Variants in FBLN5 observed in about 807,000 individuals in gnomAD.
FBLN5 encodes fibulin-5.
A neutral mutation model predicts 61.6 loss-of-function variants in FBLN5; 24 were observed. The observed-to-expected ratio is 0.39, with a 90% CI of 0.28 to 0.55. The LOEUF (loss-of-function observed/expected upper bound fraction) is 0.55, where lower values mean the gene tolerates loss of function less well. FBLN5 is among the 20% of genes least tolerant of loss of function. The pLI is 0.65. For synonymous variants in FBLN5, 213 were observed against 219.8 expected (o/e 0.97, Z 0.27); for missense variants, 470 against 594.1 (o/e 0.79, Z 2.17).
chr14:91,910,968 C>T (rs1032967007), intron 4 of FBLN5, among the ~76,000 whole-genome samples: 2 of 148,130 alleles, frequency 1.4e-5, no homozygotes, highest in Non-Finnish European at 3.0e-5. Context: ...TTCTGCTGCC[C>T]TCATTTTTTT....
intron 7 of FBLN5, among the ~76,000 whole-genome samples, chr14:91,886,409 A>T (rs1206578639): frequency 2.6e-5 from 4 of 152,224 alleles, no homozygotes; most frequent in Non-Finnish European, 5.9e-5. Flanking sequence ...ATTCTCAAGG[A>T]GTTTACAATC....
chr14:91,939,801 A>C, intron 3 of FBLN5: 1 of 383,672 alleles, frequency 2.6e-6, no homozygotes, highest in South Asian at 2.0e-5. Context: ...GTTACACGGC[A>C]AAGGGGAATT....
At chr14:91,905,309 A>C (rs1221188245) in intron 4 of FBLN5, among the ~76,000 whole-genome samples, 1 of 152,064 alleles carries the variant, frequency 6.6e-6, no homozygotes, top group South Asian at 2.1e-4. Flanking sequence ...GCCCCCCTAG[A>C]GCTTGCAGGC....
intron 4 of FBLN5, among the ~76,000 whole-genome samples, chr14:91,920,382 G>T (rs1010249563): frequency 2.0e-5 from 3 of 152,264 alleles, no homozygotes; most frequent in African/African-American, 7.2e-5. Context: ...CCAGTGTCTC[G>T]AAATGAATGA....
At chr14:91,906,447 AGTTGAG>A (rs1489387761) in intron 4 of FBLN5, among the ~76,000 whole-genome samples, 2 of 152,144 alleles carry the variant, frequency 1.3e-5, no homozygotes, top group Admixed American at 6.5e-5. Flanking sequence ...ACCACCTCCC[AGTTGAG>A]GGGTGGCCAC....
At chr14:91,913,565 T>G (rs1382464511) in intron 4 of FBLN5, among the ~76,000 whole-genome samples, 2 of 152,210 alleles carry the variant, frequency 1.3e-5, no homozygotes, top group African/African-American at 2.4e-5. Context: ...GGCCATTATA[T>G]TTCCAGTGCC....
rs368095358 is a variant in FBLN5, at chr14:91,926,793, C to CG, written c.379+10153dup. Among the ~76,000 whole-genome samples, 972 of 145,344 alleles carry CG rather than the reference C, an allele frequency of 6.7e-3. 9 individuals carry two copies. Among genetic ancestry groups the CG allele is most frequent in the South Asian group, 0.033 (149 of 4,516 alleles). ...CGTGGAGTGGATCGGGGGGAGTGGA[C>CG]GGGGGGCAGTGGACGGGTGGGAGTG... On this transcript the variant is annotated intron_variant, in intron 4 of 10. Transcript: ENST00000342058.
intron 4 of FBLN5, among the ~76,000 whole-genome samples, chr14:91,936,343 C>G (rs889093328): frequency 1.3e-5 from 2 of 152,196 alleles, no homozygotes; most frequent in Admixed American, 6.5e-5. Context: ...TTGGTCACAC[C>G]CCTTGCCAAT....
rs1387445316 is a variant in FBLN5 at position 91,917,568 on chromosome 14, T to C, written c.379+19379A>G. 2.4e-4 allele frequency among the ~76,000 whole-genome samples: 21 copies of C among 88,060 alleles called. No homozygotes were observed. The South Asian group carries it at 8.9e-3, about 37-fold the overall frequency. The allele number at this position is 88,060 out of a possible 152,430, so 57.8% of individuals were successfully genotyped here. ...TCCAGCCTGGGTGACAGAGTGAGAC[T>C]CCATCTCAAAAAAAAAAAAAAAAAA... On this transcript the variant is annotated intron_variant, in intron 4 of 10. Transcript: ENST00000342058.
chr14:91,876,612 C>T (rs547097193), intron 10 of FBLN5, among the ~76,000 whole-genome samples: 5 of 152,100 alleles, frequency 3.3e-5, no homozygotes, highest in Non-Finnish European at 5.9e-5. Flanking sequence ...GAGGAGGCAG[C>T]GTGACCACAG....
At chr14:91,919,360 A>C (rs930277583) in intron 4 of FBLN5, among the ~76,000 whole-genome samples, 1 of 124,674 alleles carries the variant, frequency 8.0e-6, no homozygotes, top group Non-Finnish European at 1.6e-5. Context: ...AGAAAAGAAA[A>C]GAAAAGAAAA....
rs145215709 is a variant in FBLN5, at chr14:91,918,202, C to T, written c.379+18745G>A. Among the ~76,000 whole-genome samples the T allele has an allele frequency of 9.8e-5, 15 of 152,322 alleles. No individual in the cohort carries two copies. In the East Asian group the frequency reaches 2.7e-3, roughly 27 times the overall value. ...GGTACATTCCTCATCCTCCACATACCATTTGGGAACAAAGTGCTTCTAAGT... is the reference window on the plus strand; with the variant it reads ...GGTACATTCCTCATCCTCCACATACTATTTGGGAACAAAGTGCTTCTAAGT... On this transcript the variant is annotated intron_variant, in intron 4 of 10. Coordinates refer to ENST00000342058, the MANE Select transcript of FBLN5 (RefSeq NM_006329.4).
In FBLN5 at chr14:91,882,428, G is replaced by A. The variant is rs1243733397; in HGVS notation, c.862+526C>T. On this transcript the variant is annotated intron_variant, in intron 8 of 10. Transcript: ENST00000342058. The surrounding 1 kb of genome is among the most constrained non-coding windows in gnomAD (Gnocchi z 4.9). ...AGCATGGGGCTGGAACCCAGGCTAA[G>A]CAGGCAAACAGGAGAAGGCCCACCC... 6.6e-6 allele frequency among the ~76,000 whole-genome samples: 1 copy of A among 152,214 alleles called. No individual in the cohort carries two copies. The highest frequency in any genetic ancestry group is 1.5e-5 in the Non-Finnish European group (1 of 68,046).
chr14:91,946,825 T>C (rs2056192572), intron 1 of FBLN5: 2 of 1,530,160 alleles, frequency 1.3e-6, no homozygotes, highest in Non-Finnish European at 1.7e-6. Context: ...TCTGCTTGTC[T>C]ATCAGCCGAT....
intron 6 of FBLN5, among the ~76,000 whole-genome samples, chr14:91,889,677 C>T (rs190251540): frequency 6.6e-6 from 1 of 152,358 alleles, no homozygotes; most frequent in Non-Finnish European, 1.5e-5. Flanking sequence ...CACTCTTCCA[C>T]ACACGAAGAG....
intron 4 of FBLN5, among the ~76,000 whole-genome samples, chr14:91,920,309 GA>G (rs767007842): frequency 1.3e-5 from 2 of 152,144 alleles, no homozygotes; most frequent in Non-Finnish European, 2.9e-5. Flanking sequence ...ACTATTTATT[GA>G]GCTTGAATAT....
At chr14:91,946,408 C>T (rs2056184955) in intron 1 of FBLN5, among the ~76,000 whole-genome samples, 2 of 152,072 alleles carry the variant, frequency 1.3e-5, no homozygotes, top group South Asian at 4.1e-4. Flanking sequence ...GGTGTTGTGC[C>T]TCAGCCTGAA....
intron 4 of FBLN5, among the ~76,000 whole-genome samples, chr14:91,901,852 T>C (rs1321592568): frequency 2.0e-5 from 3 of 152,206 alleles, no homozygotes; most frequent in African/African-American, 7.2e-5. Context: ...AAATATGTGA[T>C]CCATTTTCCA....
At chr14:91,911,954 A>G (rs762300254) in intron 4 of FBLN5, among the ~76,000 whole-genome samples, 15 of 152,248 alleles carry the variant, frequency 9.9e-5, no homozygotes, top group African/African-American at 1.7e-4. Flanking sequence ...TGTTACTTTA[A>G]AAAGCATTTA....
Sources: gnomAD v4.1 joint callset for allele counts (sites outside exome capture counted in the v4.1 genomes callset) on GRCh38, gnomAD v4.1.1 for gene constraint, Gnocchi (gnomAD v3.1) non-coding constraint, MANE v1.5 for transcripts, NCBI Gene and HGNC (gene_info 2026-07-23, HGNC 2026-07-21) for gene names.